The following SETDB2 variants were observed in gnomAD, a reference collection of about 807,000 sequenced individuals.
The protein encoded by SETDB2 is SET domain bifurcated histone lysine methyltransferase 2.
A neutral mutation model predicts 82.5 loss-of-function variants in SETDB2; 56 were observed. The observed-to-expected ratio is 0.68, with a 90% CI of 0.55 to 0.85. SETDB2 has a LOEUF of 0.85. SETDB2 is among the 40% of genes least tolerant of loss of function. SETDB2 has a pLI of 0.00. For synonymous variants in SETDB2, 272 were observed against 284.9 expected, an observed-to-expected ratio of 0.95 and a Z score of 0.46; for missense variants, 677 against 816.4, an observed-to-expected ratio of 0.83 and a Z score of 2.08.
chr13:49,468,847 T>C (rs9568215), intron 5 of SETDB2, among the ~76,000 whole-genome samples: 5,947 of 151,962 alleles, frequency 0.039, 197 homozygotes, highest in East Asian at 0.16. Flanking sequence ...AGCTCCTTAA[T>C]TGGCCATTTC....
chr13:49,480,916 T>A (rs1470578816), intron 7 of SETDB2, 31 bp from the exon 8 acceptor site: 1 of 1,611,338 alleles, frequency 6.2e-7, no homozygotes, highest in Non-Finnish European at 8.5e-7. Context: ...TTGAGATGTC[T>A]GATTTTCTCT....
chr13:49,485,541 A>G, intron 10 of SETDB2, 89 bp from the exon 11 acceptor site: 5 of 982,778 alleles, frequency 5.1e-6, no homozygotes, highest in African/African-American at 1.6e-5. Flanking sequence ...CATATAGCCT[A>G]TGATGATTGA....
chr13:49,471,934 A>T (rs1198477), intron 5 of SETDB2, among the ~76,000 whole-genome samples: 12,080 of 119,110 alleles, frequency 0.1, 771 homozygotes, highest in African/African-American at 0.14. Flanking sequence ...ATATATATAT[A>T]TTTTTTTTTT....
chr13:49,460,936 A>G (rs1957979994), intron 3 of SETDB2, among the ~76,000 whole-genome samples, 161 bp from the exon 4 acceptor site: 1 of 152,184 alleles, frequency 6.6e-6, no homozygotes, highest in African/African-American at 2.4e-5. Flanking sequence ...AAATAGCTTA[A>G]CCTCTGAGCC....
chr13:49,490,272 TC>T (rs1340280423), intron 12 of SETDB2, among the ~76,000 whole-genome samples: 1 of 93,600 alleles, frequency 1.1e-5, no homozygotes, highest in Non-Finnish European at 1.9e-5. Flanking sequence ...AGAGTGAGAC[TC>T]CGTCTCAAAA....
chr13:49,461,494 T>A (rs994576772), intron 4 of SETDB2, among the ~76,000 whole-genome samples: 1 of 152,212 alleles, frequency 6.6e-6, no homozygotes, highest in African/African-American at 2.4e-5. Context: ...GAACAATACT[T>A]GAAAGATATA....
chr13:49,467,742 A>G (rs903329619), intron 4 of SETDB2, 122 bp from the exon 5 acceptor site: 31 of 534,568 alleles, frequency 5.8e-5, no homozygotes, highest in Non-Finnish European at 8.3e-5. Context: ...AAACCTTACT[A>G]TGTTTGCAAA....
chr13:49,447,014 A>G (rs755021085), intron 1 of SETDB2, among the ~76,000 whole-genome samples: 3 of 152,162 alleles, frequency 2.0e-5, no homozygotes, highest in African/African-American at 7.2e-5. Context: ...AAGTTTCTCT[A>G]CAGTTTAGAC....
intron 1 of SETDB2, among the ~76,000 whole-genome samples, chr13:49,447,676 C>T (rs917098073): frequency 6.6e-6 from 1 of 152,068 alleles, no homozygotes; most frequent in Admixed American, 6.6e-5. Context: ...TAAGCATTCA[C>T]ATTGATAAAC....
chr13:49,465,694 A>G (rs1340341974), intron 4 of SETDB2, among the ~76,000 whole-genome samples: 1 of 151,946 alleles, frequency 6.6e-6, no homozygotes, highest in Non-Finnish European at 1.5e-5. Context: ...CTGCCACCAC[A>G]CCTGGCTAAT....
chr13:49,445,238 CGTG>C (rs1957640443), intron 1 of SETDB2, among the ~76,000 whole-genome samples: 1 of 152,090 alleles, frequency 6.6e-6, no homozygotes, highest in Non-Finnish European at 1.5e-5. Flanking sequence ...AATAAGAACA[CGTG>C]AAGTAGTTAG....
At chr13:49,463,727 C>G (rs9562883) in intron 4 of SETDB2, among the ~76,000 whole-genome samples, 2 of 151,608 alleles carry the variant, frequency 1.3e-5, no homozygotes, top group African/African-American at 4.9e-5. Flanking sequence ...CTTCACTCCA[C>G]CACTGCTTAG....
At chr13:49,478,296 C>G (rs1958410706) in intron 6 of SETDB2, among the ~76,000 whole-genome samples, 1 of 152,144 alleles carries the variant, frequency 6.6e-6, no homozygotes, top group Non-Finnish European at 1.5e-5. Flanking sequence ...CATCTGGGGA[C>G]TTGGCTCTTC....
chr13:49,489,779 A>G (rs1433714949), intron 12 of SETDB2, among the ~76,000 whole-genome samples: 2 of 149,732 alleles, frequency 1.3e-5, no homozygotes, highest in Non-Finnish European at 3.0e-5. Flanking sequence ...CATTTTTAGT[A>G]GAGACACAAT....
At chr13:49,486,547 G>A (rs1274143806) in intron 11 of SETDB2, among the ~76,000 whole-genome samples, 1 of 152,176 alleles carries the variant, frequency 6.6e-6, no homozygotes, top group Non-Finnish European at 1.5e-5. Context: ...TCTTTGTGGT[G>A]CACAGGTGTT....
chr13:49,487,361 C>T (rs1187244668), intron 11 of SETDB2, among the ~76,000 whole-genome samples: 2 of 151,838 alleles, frequency 1.3e-5, no homozygotes, highest in African/African-American at 2.4e-5. Context: ...AGAGAGACAG[C>T]GACTCATTCT....
chr13:49,466,028 A>G (rs1056938467), intron 4 of SETDB2, among the ~76,000 whole-genome samples: 1 of 152,164 alleles, frequency 6.6e-6, no homozygotes, highest in South Asian at 2.1e-4. Flanking sequence ...CAGATATTTG[A>G]TTGGCTACTG....
chr13:49,493,182 GAGCAAAACATAGCCC>G lies in SETDB2; in HGVS notation c.*1339_*1353del, dbSNP rs935562617. On this transcript the variant is annotated 3_prime_UTR_variant, in exon 14 of 14. Coordinates refer to ENST00000611815, the MANE Select transcript of SETDB2 (RefSeq NM_001160308.3). ...TGGGAAACCAGACAGCTAGGAAAAG[GAGCAAAACATAGCCC>G]AGCAACCTACAGATGAAGAAAGTTG... 1.3e-5 allele frequency: 2 copies of G among 152,094 alleles called. No individual in the cohort carries two copies. Among genetic ancestry groups the G allele is most frequent in the Non-Finnish European group, 2.9e-5 (2 of 68,026 alleles). The allele number at this position is 152,094 out of a possible 1,614,324, so 9.4% of individuals were successfully genotyped here.
intron 12 of SETDB2, among the ~76,000 whole-genome samples, chr13:49,490,298 A>AAAAAG (rs1958686858): frequency 6.6e-6 from 1 of 151,322 alleles, no homozygotes; most frequent in African/African-American, 2.4e-5. Flanking sequence ...AAAAAAAAAA[A>AAAAAG]AAAATCTTGT....
Sources: gnomAD v4.1 joint callset for allele counts (sites outside exome capture counted in the v4.1 genomes callset) on GRCh38, gnomAD v4.1.1 for gene constraint, MANE v1.5 for transcripts, NCBI Gene and HGNC (gene_info 2026-07-23, HGNC 2026-07-21) for gene names.